The following PPP2R5E variants were observed in gnomAD, a reference collection of about 807,000 sequenced individuals.
The protein encoded by PPP2R5E is protein phosphatase 2 regulatory subunit B'epsilon.
PPP2R5E carries 4 observed loss-of-function variants against 65.3 expected under a neutral mutation model. The observed-to-expected ratio is 0.06, with a 90% CI of 0.03 to 0.14. PPP2R5E has a LOEUF of 0.14. Among genes scored for constraint, PPP2R5E ranks in the 10% least tolerant of loss-of-function variants. The pLI, the probability that PPP2R5E is intolerant of heterozygous loss-of-function variation, is 1.00. For missense variants in PPP2R5E, 274 were observed against 556.1 expected (o/e 0.49, Z 5.10); for synonymous variants, 183 against 187.4 (o/e 0.98, Z 0.19).
chr14:63,399,958 C>T lies in PPP2R5E; in HGVS notation c.550-3242G>A, dbSNP rs190925496. Reference sequence around the variant, plus strand: ...GTCAATAATCGAATGTGCTTTTGTTCGGTGTTTTAATTTGAATAAAAGACA... The same window carrying T: ...GTCAATAATCGAATGTGCTTTTGTTTGGTGTTTTAATTTGAATAAAAGACA... On this transcript the variant is annotated intron_variant, in intron 5 of 13. Coordinates refer to ENST00000337537, the MANE Select transcript of PPP2R5E (RefSeq NM_006246.5). 1.8e-3 allele frequency among the ~76,000 whole-genome samples: 268 copies of T among 152,076 alleles called. 1 individual carries two copies. The highest frequency in any genetic ancestry group is 0.012 in the South Asian group (57 of 4,804).
intron 2 of PPP2R5E, among the ~76,000 whole-genome samples, chr14:63,501,774 A>T (rs75738727): frequency 2.0e-4 from 30 of 152,346 alleles, no homozygotes; most frequent in Non-Finnish European, 3.8e-4. Context: ...TCAAAACGGA[A>T]CCATACTCAG....
intron 2 of PPP2R5E, among the ~76,000 whole-genome samples, chr14:63,460,829 T>C (rs1443799014): frequency 2.0e-5 from 3 of 152,200 alleles, no homozygotes; most frequent in Non-Finnish European, 4.4e-5. Flanking sequence ...TTCAGGGCTT[T>C]CGTGTTATTT....
chr14:63,530,630 C>CTTTTTTTTTTTTTTTTTT (rs954359159), intron 2 of PPP2R5E, among the ~76,000 whole-genome samples: 1 of 81,294 alleles, frequency 1.2e-5, no homozygotes, highest in Non-Finnish European at 2.3e-5. Context: ...CTCTCAATTT[C>CTTTTTTTTTTTTTTTTTT]TTTTTTTTTT....
intron 2 of PPP2R5E, among the ~76,000 whole-genome samples, chr14:63,513,596 T>C (rs1006178629): frequency 1.3e-5 from 2 of 152,154 alleles, no homozygotes; most frequent in Admixed American, 6.5e-5. Context: ...AGGCAGGGGA[T>C]AGAGGTGGGG....
chr14:63,473,202 T>C (rs1890215694), intron 2 of PPP2R5E, among the ~76,000 whole-genome samples: 1 of 152,180 alleles, frequency 6.6e-6, no homozygotes, highest in South Asian at 2.1e-4. Flanking sequence ...GTTCATGAAC[T>C]GTAGTGGCAA....
chr14:63,442,569 G>C (rs1409350449), intron 3 of PPP2R5E, among the ~76,000 whole-genome samples: 4 of 152,160 alleles, frequency 2.6e-5, no homozygotes, highest in African/African-American at 7.2e-5. Flanking sequence ...TTTTGAGAGA[G>C]AGACAGAGAG....
In PPP2R5E at chr14:63,374,349, T is replaced by C. The variant is rs552968561; in HGVS notation, c.*1660A>G. 5.5e-4 allele frequency: 84 copies of C among 151,972 alleles called. No individual in the cohort carries two copies. Among genetic ancestry groups the C allele is most frequent in the African/African-American group, 2.0e-3 (84 of 41,508 alleles). The allele number at this position is 151,972 out of a possible 1,614,324, so 9.4% of individuals were successfully genotyped here. On this transcript the variant is annotated 3_prime_UTR_variant, in exon 14 of 14. Coordinates refer to ENST00000337537, the MANE Select transcript of PPP2R5E (RefSeq NM_006246.5). ...ATTGTATTTCTATTAAGAGCAACAA[T>C]AGTTCATATGTTCATGTTTGCTACT...
At chr14:63,539,302 G>A (rs1286718001) in intron 2 of PPP2R5E, among the ~76,000 whole-genome samples, 2 of 152,174 alleles carry the variant, frequency 1.3e-5, no homozygotes, top group African/African-American at 4.8e-5. Flanking sequence ...TCATCAATGT[G>A]AGATATTCTC....
chr14:63,380,655 C>T (rs1031804597), intron 13 of PPP2R5E, among the ~76,000 whole-genome samples: 2 of 151,150 alleles, frequency 1.3e-5, no homozygotes, highest in Non-Finnish European at 2.9e-5. Flanking sequence ...GAGCAAGACT[C>T]CATCTCAAAA....
chr14:63,524,943 G>A (rs552159335), intron 2 of PPP2R5E, among the ~76,000 whole-genome samples: 42 of 152,296 alleles, frequency 2.8e-4, no homozygotes, highest in Admixed American at 1.2e-3. Context: ...CCAAGATTGC[G>A]GTTAGCTGTT....
chr14:63,520,317 G>C (rs1246493442), intron 2 of PPP2R5E, among the ~76,000 whole-genome samples: 2 of 152,202 alleles, frequency 1.3e-5, no homozygotes, highest in Non-Finnish European at 2.9e-5. Flanking sequence ...TTACAGGTGT[G>C]AGCCACCGCG....
intron 12 of PPP2R5E, among the ~76,000 whole-genome samples, chr14:63,382,897 C>T (rs1392946869): frequency 4.6e-5 from 7 of 151,544 alleles, no homozygotes; most frequent in Non-Finnish European, 1.0e-4. Flanking sequence ...TCAGAAGCTA[C>T]TTCCCTAGAA....
chr14:63,419,281 G>A (rs974545958), intron 4 of PPP2R5E, among the ~76,000 whole-genome samples: 3 of 152,116 alleles, frequency 2.0e-5, no homozygotes, highest in African/African-American at 7.2e-5. Flanking sequence ...ACCTCCTCCC[G>A]TCAGGTATTT....
intron 2 of PPP2R5E, among the ~76,000 whole-genome samples, chr14:63,480,159 T>C (rs1284053892): frequency 6.6e-6 from 1 of 152,156 alleles, no homozygotes; most frequent in African/African-American, 2.4e-5. Context: ...TTTCTTTTTC[T>C]TAAGAGTTGG....
intron 3 of PPP2R5E, among the ~76,000 whole-genome samples, chr14:63,436,007 T>C (rs1331398189): frequency 6.6e-6 from 1 of 152,218 alleles, no homozygotes; most frequent in African/African-American, 2.4e-5. Context: ...GCTTACTGTG[T>C]ATAAATCAGT....
chr14:63,478,354 T>C (rs1315382631), intron 2 of PPP2R5E, among the ~76,000 whole-genome samples: 2 of 152,200 alleles, frequency 1.3e-5, no homozygotes, highest in African/African-American at 4.8e-5. Flanking sequence ...ACATTAAAAT[T>C]AAAAATGGGA....
intron 3 of PPP2R5E, among the ~76,000 whole-genome samples, chr14:63,422,930 T>C (rs1006483314): frequency 3.3e-5 from 5 of 152,114 alleles, no homozygotes; most frequent in Non-Finnish European, 7.4e-5. Flanking sequence ...TAAAATCCTA[T>C]CTGTGATATA....
intron 13 of PPP2R5E, among the ~76,000 whole-genome samples, chr14:63,377,662 T>C (rs1884067602): frequency 6.6e-6 from 1 of 152,206 alleles, no homozygotes; most frequent in African/African-American, 2.4e-5. Flanking sequence ...ATCTAATAGG[T>C]AATATTTTCA....
chr14:63,412,078 A>G (rs1270066365), intron 5 of PPP2R5E, among the ~76,000 whole-genome samples: 1 of 152,236 alleles, frequency 6.6e-6, no homozygotes, highest in African/African-American at 2.4e-5. Context: ...GACACAGTGA[A>G]TAAGGTAGAT....
Sources: gnomAD v4.1 joint callset for allele counts (sites outside exome capture counted in the v4.1 genomes callset) on GRCh38, gnomAD v4.1.1 for gene constraint, MANE v1.5 for transcripts, NCBI Gene and HGNC (gene_info 2026-07-23, HGNC 2026-07-21) for gene names.